ARNT2: variants seen among roughly 807,000 people sequenced by gnomAD.
The protein encoded by ARNT2 is aryl hydrocarbon receptor nuclear translocator 2.
In ARNT2, 36 loss-of-function variants were observed where a neutral mutation model predicts 91.7. The ratio of observed to expected loss-of-function variants is 0.39; its 90% CI spans 0.30 to 0.52. The LOEUF (loss-of-function observed/expected upper bound fraction) is 0.52, where lower values mean the gene tolerates loss of function less well. Ranked by LOEUF, ARNT2 falls within the 20% of genes least tolerant of loss-of-function variation. The pLI, the probability that ARNT2 is intolerant of heterozygous loss-of-function variation, is 0.72. For synonymous variants in ARNT2, 365 were observed against 347.1 expected, an observed-to-expected ratio of 1.05 and a Z score of -0.57; for missense variants, 775 against 939.3, an observed-to-expected ratio of 0.83 and a Z score of 2.29.
intron 14 of ARNT2, among the ~76,000 whole-genome samples, chr15:80,576,337 C>T (rs1169893530): frequency 2.0e-5 from 3 of 151,942 alleles, no homozygotes; most frequent in East Asian, 1.9e-4. Flanking sequence ...AGTGCAGTGG[C>T]GTGATCTCAG....
intron 8 of ARNT2, 123 bp downstream of exon 8, chr15:80,514,528 T>TC: frequency 1.2e-6 from 1 of 836,880 alleles, no homozygotes; most frequent in Non-Finnish European, 1.9e-6. Context: ...TTCTTTGTGG[T>TC]TAGAACACAA....
chr15:80,428,878 T>A (rs568492033), intron 1 of ARNT2, among the ~76,000 whole-genome samples: 3 of 152,338 alleles, frequency 2.0e-5, no homozygotes, highest in Admixed American at 6.5e-5. Flanking sequence ...GACTCCTCAA[T>A]GTTCATTCGA....
intron 1 of ARNT2, among the ~76,000 whole-genome samples, chr15:80,435,233 T>G (rs1467284888): frequency 6.6e-6 from 1 of 152,158 alleles, no homozygotes; most frequent in Non-Finnish European, 1.5e-5. Context: ...GCCTCCTCCA[T>G]AGGTGCCAGC....
chr15:80,494,116 C>T (rs1004001367), intron 5 of ARNT2, among the ~76,000 whole-genome samples: 3 of 152,138 alleles, frequency 2.0e-5, no homozygotes, highest in Admixed American at 1.3e-4. Context: ...TACTCAGCCT[C>T]GGGTGTTCCT....
At chr15:80,497,035 C>A (rs1897133405) in intron 5 of ARNT2, among the ~76,000 whole-genome samples, 1 of 152,158 alleles carries the variant, frequency 6.6e-6, no homozygotes, top group South Asian at 2.1e-4. Context: ...CGTTTGTAAT[C>A]CAGGAAGGGA....
chr15:80,463,985 A>G (rs749551620), intron 3 of ARNT2, among the ~76,000 whole-genome samples: 3 of 152,104 alleles, frequency 2.0e-5, no homozygotes, highest in Non-Finnish European at 4.4e-5. Context: ...GGAGAGATTA[A>G]CCCTGATTTG....
At chr15:80,512,151 AC>A (rs1162546703) in intron 6 of ARNT2, among the ~76,000 whole-genome samples, 6 of 152,330 alleles carry the variant, frequency 3.9e-5, no homozygotes, top group Admixed American at 3.9e-4. Flanking sequence ...AAGCAACTAC[AC>A]TTTTTAAGCA....
chr15:80,413,018 G>A (rs2141554849), intron 1 of ARNT2, among the ~76,000 whole-genome samples: 1 of 152,330 alleles, frequency 6.6e-6, no homozygotes, highest in East Asian at 1.9e-4. Flanking sequence ...ATCTACTGAT[G>A]TCTATAAAGG....
At chr15:80,408,049 C>A (rs1895626127) in intron 1 of ARNT2, among the ~76,000 whole-genome samples, 1 of 152,116 alleles carries the variant, frequency 6.6e-6, no homozygotes, top group South Asian at 2.1e-4. Context: ...ATTTGGAATT[C>A]CACTTTTTTT....
intron 5 of ARNT2, among the ~76,000 whole-genome samples, chr15:80,483,916 C>T (rs1030910960): frequency 2.0e-5 from 3 of 152,200 alleles, no homozygotes; most frequent in Admixed American, 1.3e-4. Context: ...TTGAGTCCTT[C>T]AGTGGAAGAA....
intron 5 of ARNT2, among the ~76,000 whole-genome samples, chr15:80,483,337 C>T (rs1271811663): frequency 9.2e-5 from 14 of 152,196 alleles, no homozygotes; most frequent in Non-Finnish European, 1.8e-4. Context: ...CAACCTGGGT[C>T]GAGGGCATCC....
At chr15:80,405,747 G>T (rs1895590925) in intron 1 of ARNT2, among the ~76,000 whole-genome samples, 1 of 152,142 alleles carries the variant, frequency 6.6e-6, no homozygotes, top group Non-Finnish European at 1.5e-5. Flanking sequence ...GATATAAGAG[G>T]CAGCAGTGGG....
At chr15:80,425,982 G>T (rs1895926960) in intron 1 of ARNT2, among the ~76,000 whole-genome samples, 1 of 152,094 alleles carries the variant, frequency 6.6e-6, no homozygotes, top group Non-Finnish European at 1.5e-5. Context: ...GATCGCTTGA[G>T]CTCAGGAGTT....
chr15:80,430,269 G>A (rs539304434), intron 1 of ARNT2, among the ~76,000 whole-genome samples: 1 of 152,206 alleles, frequency 6.6e-6, no homozygotes, highest in Non-Finnish European at 1.5e-5. Context: ...GATCTCTGTG[G>A]TCTCCCCACT....
chr15:80,570,710 T>C (rs1898568235), intron 12 of ARNT2, among the ~76,000 whole-genome samples: 1 of 152,176 alleles, frequency 6.6e-6, no homozygotes, highest in African/African-American at 2.4e-5. Flanking sequence ...GATAGAACCT[T>C]GTTCTTCCTG....
intron 5 of ARNT2, among the ~76,000 whole-genome samples, chr15:80,481,642 G>A (rs1236751542): frequency 2.0e-5 from 3 of 152,146 alleles, no homozygotes; most frequent in Non-Finnish European, 4.4e-5. Flanking sequence ...GAGCCCAAGA[G>A]GTCCAGGTTG....
intron 12 of ARNT2, among the ~76,000 whole-genome samples, chr15:80,570,667 C>T (rs1898567540): frequency 6.6e-6 from 1 of 152,122 alleles, no homozygotes; most frequent in Admixed American, 6.5e-5. Context: ...TCTGGGCTCC[C>T]ACACCGACAT....
At chr15:80,452,319 C>T (rs936926942) in intron 2 of ARNT2, among the ~76,000 whole-genome samples, 5 of 152,204 alleles carry the variant, frequency 3.3e-5, no homozygotes, top group Non-Finnish European at 5.9e-5. Context: ...CTCTCTGCAG[C>T]TGCCACCATC....
At chr15:80,561,237 A>G in intron 11 of ARNT2, among the ~76,000 whole-genome samples, 1 of 152,020 alleles carries the variant, frequency 6.6e-6, no homozygotes, top group Non-Finnish European at 1.5e-5. Context: ...CCAAGTCCCC[A>G]TTCTAATCTA....
Sources: gnomAD v4.1 joint callset for allele counts (sites outside exome capture counted in the v4.1 genomes callset) on GRCh38, gnomAD v4.1.1 for gene constraint, MANE v1.5 for transcripts, NCBI Gene and HGNC (gene_info 2026-07-23, HGNC 2026-07-21) for gene names.